PTPN4: variants seen among roughly 807,000 people sequenced by gnomAD.
PTPN4 encodes tyrosine-protein phosphatase non-receptor type 4.
PTPN4 carries 49 observed loss-of-function variants against 135.5 expected under a neutral mutation model. That is an observed-to-expected ratio of 0.36 (90% confidence interval 0.29 to 0.46). The LOEUF (loss-of-function observed/expected upper bound fraction) is 0.46. Among genes scored for constraint, PTPN4 ranks in the 20% least tolerant of loss-of-function variants. The pLI is 1.00. For missense variants in PTPN4, 860 were observed against 1,101.0 expected (o/e 0.78, Z 3.10); for synonymous variants, 333 against 369.9 (o/e 0.90, Z 1.14).
intron 1 of PTPN4, among the ~76,000 whole-genome samples, chr2:119,771,182 A>C (rs1320950090): frequency 6.6e-6 from 1 of 152,228 alleles, no homozygotes; most frequent in Non-Finnish European, 1.5e-5. Context: ...AGGACACATG[A>C]AAGTGATGCC....
At chr2:119,863,976 T>G (rs950838703) in intron 3 of PTPN4, among the ~76,000 whole-genome samples, 2 of 152,058 alleles carry the variant, frequency 1.3e-5, no homozygotes, top group Non-Finnish European at 2.9e-5. Context: ...GAATGTAGTT[T>G]AAAGAGAGTT....
chr2:119,962,582 A>C lies in PTPN4; in HGVS notation c.2281-34A>C, dbSNP rs915009401. 4 of 1,175,496 alleles carry C rather than the reference A, an allele frequency of 3.4e-6. No individual in the cohort carries two copies. In the African/African-American group the frequency reaches 6.4e-5, roughly 19 times the overall value. The allele number at this position is 1,175,496 out of a possible 1,614,324, so 72.8% of individuals were successfully genotyped here. A position where few individuals can be genotyped will look rare whatever the true frequency, so the allele number is the denominator to read the frequency against. ...GGAGAACATGAATCCATATGTATATAATTTTATTTATTATTTATTTATATC... is the reference window on the plus strand; with the variant it reads ...GGAGAACATGAATCCATATGTATATCATTTTATTTATTATTTATTTATATC... On this transcript the variant is annotated intron_variant, in intron 23 of 26. Coordinates refer to ENST00000263708, the MANE Select transcript of PTPN4 (RefSeq NM_002830.4).
At position 119,981,542 on chromosome 2, in the gene PTPN4, C is replaced by G. The variant is rs1416162956; in HGVS notation, c.*4472C>G. 1 of 152,038 alleles carries G rather than the reference C, an allele frequency of 6.6e-6. No individual in the cohort carries two copies. Among genetic ancestry groups the G allele is most frequent in the African/African-American group, 2.4e-5 (1 of 41,418 alleles). The allele number at this position is 152,038 out of a possible 1,614,324, so 9.4% of individuals were successfully genotyped here. A position where few individuals can be genotyped will look rare whatever the true frequency, so the allele number is the denominator to read the frequency against. On this transcript the variant is annotated 3_prime_UTR_variant, in exon 27 of 27. Coordinates refer to ENST00000263708, the MANE Select transcript of PTPN4 (RefSeq NM_002830.4). ...GTTGTAGCAACCATTTTATAAAACT[C>G]TTAGAGAATTATGTAGATAAAATGG... is the stretch of plus-strand genomic sequence containing the variant.
chr2:119,957,070 A>G lies in PTPN4; in HGVS notation c.2126A>G (p.Tyr709Cys). Residue 709 changes from tyrosine to cysteine, a missense_variant, in exon 22 of 27, where the codon TAT becomes TGT. By Grantham distance (194) the Tyr-to-Cys change is radical (BLOSUM62 -2). Coordinates refer to ENST00000263708, the MANE Select transcript of PTPN4 (RefSeq NM_002830.4). ...AATGAAGACTACATCAATGCGAACT[A>G]TATAAATGTAAGTTTATTCTTATTA... Reference protein sequence around the residue: ...KGNEDYINANYINMEIPSSSI... With the variant: ...KGNEDYINANCINMEIPSSSI... 1 of 1,607,198 alleles carries G rather than the reference A, an allele frequency of 6.2e-7. No homozygotes were observed. Among genetic ancestry groups the G allele is most frequent in the Non-Finnish European group, 8.5e-7 (1 of 1,177,020 alleles).
intron 22 of PTPN4, among the ~76,000 whole-genome samples, chr2:119,959,937 A>G (rs1679341371): frequency 1.3e-5 from 2 of 152,152 alleles, no homozygotes; most frequent in Non-Finnish European, 2.9e-5. Context: ...ATGAAATTTT[A>G]TTTACTCATC....
At chr2:119,808,255 G>C (rs1691516500) in intron 1 of PTPN4, among the ~76,000 whole-genome samples, 1 of 152,106 alleles carries the variant, frequency 6.6e-6, no homozygotes, top group Admixed American at 6.6e-5. Flanking sequence ...AGAAATAAAG[G>C]GTATTCAGTT....
chr2:119,896,959 C>T (rs1163130644), intron 9 of PTPN4, among the ~76,000 whole-genome samples: 1 of 152,138 alleles, frequency 6.6e-6, no homozygotes, highest in East Asian at 1.9e-4. Context: ...CTCACTCTGT[C>T]ACCCAGGCTG....
In PTPN4 at chr2:119,920,102, A is replaced by G. The variant is rs1558764365; in HGVS notation, c.862A>G (p.Met288Val). The G allele has an allele frequency of 6.2e-7, 1 of 1,610,000 alleles. No homozygotes were observed. Among genetic ancestry groups the G allele is most frequent in the Non-Finnish European group, 8.5e-7 (1 of 1,178,646 alleles). ...TAGAGAAACATTATTGGGATTTAATATGGTGAATTACAGAGCATGTAAAAA... is the reference window on the plus strand; with the variant it reads ...TAGAGAAACATTATTGGGATTTAATGTGGTGAATTACAGAGCATGTAAAAA... ...ESRETLLGFN[M>V]VNYRACKNLW... Residue 288 changes from methionine to valine, a missense_variant, in exon 12 of 27, where the codon ATG becomes GTG. By Grantham distance (21) the Met-to-Val change is conservative (BLOSUM62 1). Transcript: ENST00000263708.
At chr2:119,857,210 A>G (rs750510017) in intron 2 of PTPN4, among the ~76,000 whole-genome samples, 4 of 152,044 alleles carry the variant, frequency 2.6e-5, no homozygotes, top group Non-Finnish European at 5.9e-5. Flanking sequence ...CCTCCCAAGT[A>G]GCTGCTTTTC....
At chr2:119,846,749 G>T (rs1320772233) in intron 2 of PTPN4, among the ~76,000 whole-genome samples, 3 of 151,028 alleles carry the variant, frequency 2.0e-5, no homozygotes, top group Non-Finnish European at 3.0e-5. Flanking sequence ...TCCTTTAATG[G>T]TTTTTTCAGT....
intron 2 of PTPN4, among the ~76,000 whole-genome samples, chr2:119,820,164 T>C (rs1217993654): frequency 1.3e-5 from 2 of 152,226 alleles, no homozygotes; most frequent in Non-Finnish European, 2.9e-5. Context: ...CCTGGCCTAT[T>C]TGGCTCTTAA....
intron 1 of PTPN4, among the ~76,000 whole-genome samples, chr2:119,805,879 C>A (rs1691457745): frequency 6.6e-6 from 1 of 152,092 alleles, no homozygotes; most frequent in South Asian, 2.1e-4. Flanking sequence ...GGCAGTATGG[C>A]CATTTTCACG....
At chr2:119,824,681 G>T (rs531978660) in intron 2 of PTPN4, among the ~76,000 whole-genome samples, 5 of 152,238 alleles carry the variant, frequency 3.3e-5, no homozygotes, top group Admixed American at 2.6e-4. Flanking sequence ...TATGTAAGGA[G>T]TTGAATATAA....
chr2:119,962,764 G>A lies in PTPN4; in HGVS notation c.2409+20G>A. On this transcript the variant is annotated intron_variant, in intron 24 of 26. Coordinates refer to ENST00000263708, the MANE Select transcript of PTPN4 (RefSeq NM_002830.4). ...CAAGAGGTAAGAAGGCAGGATATCT[G>A]TTCATTAGAACTGTTGTGTTCAGGG... The A allele has an allele frequency of 6.5e-7, 1 of 1,538,630 alleles. No homozygotes were observed. The highest frequency in any genetic ancestry group is 8.9e-7 in the Non-Finnish European group (1 of 1,129,672).
intron 2 of PTPN4, among the ~76,000 whole-genome samples, chr2:119,861,767 A>G (rs1398063434): frequency 6.6e-6 from 1 of 151,922 alleles, no homozygotes; most frequent in Non-Finnish European, 1.5e-5. Flanking sequence ...TTTTTATTGG[A>G]GGGGGATTAT....
In PTPN4 at chr2:119,976,854, A is replaced by G. The variant is rs188555313; in HGVS notation, c.2695-130A>G. ...GTCTAGACTGTTAGTGAAAAATGGT[A>G]TCTTTATGCAGTTTTGTTTTGCATT... On this transcript the variant is annotated intron_variant, in intron 26 of 26. Transcript: ENST00000263708. 1.9e-5 allele frequency: 28 copies of G among 1,442,264 alleles called. No homozygotes were observed. The East Asian group carries it at 4.7e-4, about 24-fold the overall frequency. 89.3% of individuals were successfully genotyped at this position (1,442,264 alleles called of 1,614,324 possible).
intron 1 of PTPN4, among the ~76,000 whole-genome samples, chr2:119,772,690 A>G (rs1690756855): frequency 1.3e-5 from 2 of 152,132 alleles, no homozygotes; most frequent in South Asian, 4.1e-4. Flanking sequence ...GGCTCACGCC[A>G]CCACACCCAG....
At chr2:119,823,235 CT>C (rs904685057) in intron 2 of PTPN4, among the ~76,000 whole-genome samples, 457 of 139,562 alleles carry the variant, frequency 3.3e-3, no homozygotes, top group Non-Finnish European at 3.8e-3. Flanking sequence ...TCATCTGTTT[CT>C]TTTTTTTTTT....
chr2:119,946,593 TCAAA>T lies in PTPN4; in HGVS notation c.1656+20_1656+23del, dbSNP rs1679136225. The stretch of plus-strand genomic sequence containing the variant: ...AACACCTGTGAGTTATCTAAATGTT[TCAAA>T]TAAATCCTGTTTTCAAGAATATGTA... On this transcript the variant is annotated intron_variant, in intron 18 of 26. Coordinates refer to ENST00000263708, the MANE Select transcript of PTPN4 (RefSeq NM_002830.4). The T allele has an allele frequency of 1.9e-6, 3 of 1,541,222 alleles. No homozygotes were observed. Among genetic ancestry groups the T allele is most frequent in the Non-Finnish European group, 2.7e-6 (3 of 1,118,694 alleles).
Sources: gnomAD v4.1 joint callset for allele counts (sites outside exome capture counted in the v4.1 genomes callset) on GRCh38, gnomAD v4.1.1 for gene constraint, MANE v1.5 for transcripts, NCBI Gene and HGNC (gene_info 2026-07-23, HGNC 2026-07-21) for gene names.